Variants in WWOX observed in about 807,000 individuals in gnomAD.
WWOX encodes WW domain containing oxidoreductase.
Under a neutral mutation model 46.2 loss-of-function variants are expected in WWOX, and 69 were observed. The ratio of observed to expected loss-of-function variants is 1.49; its 90% CI spans 1.23 to 1.82. WWOX has a LOEUF of 1.82. Among genes scored for constraint, WWOX ranks in the 40% most tolerant of loss-of-function variants. WWOX has a pLI of 0.00. For synonymous variants in WWOX, 359 were observed against 202.6 expected (o/e 1.77, Z -6.56); for missense variants, 919 against 542.6 (o/e 1.69, Z -6.89).
chr16:78,880,926 C>G (rs1464007009), intron 8 of WWOX, among the ~76,000 whole-genome samples: 1 of 151,470 alleles, frequency 6.6e-6, no homozygotes, highest in Non-Finnish European at 1.5e-5. Flanking sequence ...TCCTGTTTTC[C>G]AAGCACTTTT....
At chr16:78,463,249 C>T (rs533213008) in intron 8 of WWOX, among the ~76,000 whole-genome samples, 19 of 152,240 alleles carry the variant, frequency 1.2e-4, no homozygotes, top group African/African-American at 3.9e-4. Context: ...AGGTGCACTG[C>T]GCATGTTGGA....
chr16:78,984,148 C>G (rs9933829), intron 8 of WWOX, among the ~76,000 whole-genome samples: 2,023 of 152,074 alleles, frequency 0.013, 53 homozygotes, highest in African/African-American at 0.043. Context: ...AAAGTGCTGG[C>G]ATTACAGGCA....
At chr16:79,105,486 C>G (rs1597380187) in intron 8 of WWOX, among the ~76,000 whole-genome samples, 2 of 152,126 alleles carry the variant, frequency 1.3e-5, no homozygotes, top group African/African-American at 4.8e-5. Context: ...ACATTTATAT[C>G]TATACCTATA....
Position 78,117,157 on chromosome 16 carries a change from C to G in WWOX, c.409+2003C>G, listed in dbSNP as rs1383187000. On this transcript the variant is annotated intron_variant, in intron 4 of 8. Transcript: ENST00000566780. ...TCTTTGTGCCTCTTCACAGCTCCCA[C>G]TTCCCCCTAAGACTCTTCCTTCCTG... 3.3e-5 allele frequency among the ~76,000 whole-genome samples: 5 copies of G among 152,222 alleles called. No homozygotes were observed. In the East Asian group the frequency reaches 9.6e-4, roughly 29 times the overall value.
chr16:78,103,327 A>G (rs977114087), intron 1 of WWOX, among the ~76,000 whole-genome samples: 1 of 151,258 alleles, frequency 6.6e-6, no homozygotes, highest in African/African-American at 2.4e-5. Context: ...TTACATAAGT[A>G]AACCTGTGCC....
rs540081720 is a variant in WWOX at position 78,684,309 on chromosome 16, A to G, written c.1056+251557A>G. 7.2e-5 allele frequency among the ~76,000 whole-genome samples: 11 copies of G among 152,172 alleles called. No homozygotes were observed. The East Asian group carries it at 2.1e-3, about 30-fold the overall frequency. On this transcript the variant is annotated intron_variant, in intron 8 of 8. Coordinates refer to ENST00000566780, the MANE Select transcript of WWOX (RefSeq NM_016373.4). Reference sequence around the variant, plus strand: ...AGGTGTACTCAGAGTGGGGAAGGGGAGCGGTGGCAGGTAATACAAAACCCA... The same window carrying G: ...AGGTGTACTCAGAGTGGGGAAGGGGGGCGGTGGCAGGTAATACAAAACCCA...
chr16:78,462,955 G>T (rs1366456113), intron 8 of WWOX, among the ~76,000 whole-genome samples: 1 of 152,194 alleles, frequency 6.6e-6, no homozygotes, highest in Admixed American at 6.5e-5. Context: ...ACCACCGTGG[G>T]AGGACTGTGA....
At chr16:78,253,135 T>A (rs1311595463) in intron 5 of WWOX, among the ~76,000 whole-genome samples, 1 of 152,160 alleles carries the variant, frequency 6.6e-6, no homozygotes, top group Admixed American at 6.5e-5. Context: ...TCTTTTAATT[T>A]TTGAAAGATT....
chr16:78,133,962 T>C (rs1379343401), intron 4 of WWOX, among the ~76,000 whole-genome samples: 1 of 152,204 alleles, frequency 6.6e-6, no homozygotes, highest in Non-Finnish European at 1.5e-5. Flanking sequence ...TCTTAAGAGA[T>C]TTTGTGCCTC....
chr16:78,392,521 C>T lies in WWOX; in HGVS notation c.605+5573C>T, dbSNP rs914818558. On this transcript the variant is annotated intron_variant, in intron 6 of 8. Coordinates refer to ENST00000566780, the MANE Select transcript of WWOX (RefSeq NM_016373.4). ...GCTTGAATCGTCCCAAAGCCACCCC[C>T]ACTCCTTTGAGTCTATGGAAAAATT... Among the ~76,000 whole-genome samples, 4 of 152,120 alleles carry T rather than the reference C, an allele frequency of 2.6e-5. No individual in the cohort carries two copies. In the East Asian group the frequency reaches 5.8e-4, roughly 22 times the overall value.
At chr16:78,619,211 A>C (rs1337996629) in intron 8 of WWOX, among the ~76,000 whole-genome samples, 15 of 70,300 alleles carry the variant, frequency 2.1e-4, no homozygotes, top group Admixed American at 1.0e-3. Flanking sequence ...ATATATATAT[A>C]TATGTAGCCA....
chr16:78,751,435 C>G (rs1055770810), intron 8 of WWOX, among the ~76,000 whole-genome samples: 2 of 133,742 alleles, frequency 1.5e-5, no homozygotes, highest in African/African-American at 5.7e-5. Context: ...ATATATTTAT[C>G]AGATTATATA....
At position 78,349,045 on chromosome 16, in the gene WWOX, A is replaced by G. The variant is rs1162334972; in HGVS notation, c.517-37815A>G. Reference sequence around the variant, plus strand: ...CACAGGCTGGATAACTTGAACAACAAAAATACATTTTCTCATAGTTGTGGA... The same window carrying G: ...CACAGGCTGGATAACTTGAACAACAGAAATACATTTTCTCATAGTTGTGGA... On this transcript the variant is annotated intron_variant, in intron 5 of 8. Transcript: ENST00000566780. 1.7e-5 allele frequency among the ~76,000 whole-genome samples: 2 copies of G among 120,300 alleles called. 1 individual carries two copies. Among genetic ancestry groups the G allele is most frequent in the Non-Finnish European group, 4.0e-5 (2 of 50,460 alleles). The allele number at this position is 120,300 out of a possible 152,430, so 78.9% of individuals were successfully genotyped here.
intron 1 of WWOX, among the ~76,000 whole-genome samples, chr16:78,104,509 A>C (rs189424792): frequency 6.6e-6 from 1 of 152,158 alleles, no homozygotes; most frequent in East Asian, 1.9e-4. Context: ...GTCTAAAAAA[A>C]AATTAACAGA....
intron 8 of WWOX, among the ~76,000 whole-genome samples, chr16:79,065,414 A>T (rs2048423548): frequency 6.6e-6 from 1 of 152,156 alleles, no homozygotes; most frequent in South Asian, 2.1e-4. Context: ...GAAAATGCTG[A>T]TTGGTTGGGG....
At chr16:78,380,701 C>A (rs1488102525) in intron 5 of WWOX, among the ~76,000 whole-genome samples, 1 of 152,160 alleles carries the variant, frequency 6.6e-6, no homozygotes, top group Non-Finnish European at 1.5e-5. Context: ...GCTTTAGATA[C>A]ATTGCCTGAC....
chr16:78,996,165 G>A (rs193143823), intron 8 of WWOX: 55 of 954,694 alleles, frequency 5.8e-5, no homozygotes, highest in South Asian at 9.9e-5. Flanking sequence ...TTTTTTTAAC[G>A]AAACTCACAT....
intron 5 of WWOX, among the ~76,000 whole-genome samples, chr16:78,194,065 A>G (rs1200991588): frequency 2.1e-5 from 3 of 145,704 alleles, no homozygotes; most frequent in African/African-American, 8.0e-5. Context: ...TTTTTGGTAG[A>G]GACGGGGTTT....
chr16:78,121,900 A>G (rs752768939), intron 4 of WWOX, among the ~76,000 whole-genome samples: 9 of 152,030 alleles, frequency 5.9e-5, no homozygotes, highest in East Asian at 1.9e-4. Context: ...ACATTAGGCA[A>G]TCTGCTTGCC....
Sources: allele counts gnomAD v4.1 joint callset (sites outside exome capture counted in the v4.1 genomes callset), GRCh38; gene constraint gnomAD v4.1.1; transcripts MANE v1.5; gene names NCBI Gene and HGNC (gene_info 2026-07-23, HGNC 2026-07-21).